The following TROAP variants were observed in gnomAD, a reference collection of about 807,000 sequenced individuals.
TROAP encodes trophinin associated protein.
In TROAP, 62 loss-of-function variants were observed where a neutral mutation model predicts 83.4. The observed-to-expected ratio is 0.74, with a 90% CI of 0.61 to 0.92. TROAP has a LOEUF of 0.92. Among genes scored for constraint, TROAP ranks in the 40% least tolerant of loss-of-function variants. TROAP has a pLI of 0.00. For missense variants in TROAP, 876 were observed against 985.1 expected (o/e 0.89, Z 1.48); for synonymous variants, 352 against 386.4 (o/e 0.91, Z 1.04).
In TROAP at chr12:49,330,556, C is replaced by T. The variant is rs752372803; in HGVS notation, c.1711C>T (p.Arg571Cys). 1.8e-5 allele frequency: 29 copies of T among 1,613,448 alleles called. No homozygotes were observed. The highest frequency in any genetic ancestry group is 4.4e-5 in the South Asian group (4 of 90,974). ...RSEPEIPESS[R>C]QEQLEVPEPC... is the part of the protein sequence containing the mutation. ...TGAGCCTGAGATACCGGAGTCCTCT[C>T]GCCAGGAACAGCTTGAGGTACCTGA... is the stretch of plus-strand genomic sequence containing the variant. The change falls in exon 13 of 15, where the codon CGC becomes TGC. Residue 571 changes from arginine (R) to cysteine (C), a missense_variant. Arg to Cys is a radical substitution (Grantham distance 180). Transcript: ENST00000257909.
chr12:49,329,754 C>T lies in TROAP; in HGVS notation c.1165-103C>T, dbSNP rs996013863. 2 of 1,504,362 alleles carry T rather than the reference C, an allele frequency of 1.3e-6. No homozygotes were observed. Among genetic ancestry groups the T allele is most frequent in the Non-Finnish European group, 9.0e-7 (1 of 1,116,880 alleles). 93.2% of individuals were successfully genotyped at this position (1,504,362 alleles called of 1,614,324 possible). On this transcript the variant is annotated intron_variant, in intron 11 of 14. Coordinates refer to ENST00000257909, the MANE Select transcript of TROAP (RefSeq NM_005480.4). The surrounding 1 kb of genome is among the most constrained non-coding windows in gnomAD (Gnocchi z 4.5). ...CCCTCCTAATGTACATCTAGGGCCT[C>T]TCAGTTAGGGGCTTCAATCCATTCC... is the stretch of plus-strand genomic sequence containing the variant.
rs775810926 is a variant in TROAP, at chr12:49,323,629, G to A, written c.21G>A (p.Thr7=). 3.7e-6 allele frequency: 6 copies of A among 1,613,870 alleles called. No individual in the cohort carries two copies. The highest frequency in any genetic ancestry group is 4.5e-5 in the East Asian group (2 of 44,884). The change falls in exon 2 of 15, where the codon ACG becomes ACA. Residue 7 remains threonine, a synonymous_variant. Transcript: ENST00000257909. MTTRQA[T]KDPLLRGVSP... ...CCATCATGACCACCCGGCAAGCCACGAAGGATCCCCTCCTCCGGGGTGTAT... is the reference window on the plus strand; with the variant it reads ...CCATCATGACCACCCGGCAAGCCACAAAGGATCCCCTCCTCCGGGGTGTAT...
Position 49,329,170 on chromosome 12 carries a change from T to G in TROAP, c.1030T>G (p.Ser344Ala). The change falls in exon 10 of 15, where the codon TCA (serine) becomes GCA (alanine). Residue 344 changes from serine (S) to alanine (A), a missense_variant. Physicochemically the swap from Ser to Ala is moderately conservative, Grantham distance 99. Around this residue, in one of 3 missense-constraint regions of TROAP, gnomAD observed 689 missense variants for 722.6 expected, o/e 0.95. Transcript: ENST00000257909. The surrounding 1 kb of genome is among the most constrained non-coding windows in gnomAD (Gnocchi z 4.5). The stretch of plus-strand genomic sequence containing the variant: ...CCACATCTCTCCCCAGACCTCATAT[T>G]CAGTGTTGCGGCGTCTCACCGTTCA... ...SPGPPTLTSY[S>A]VLRRLTVQPK... The G allele has an allele frequency of 1.9e-6, 3 of 1,614,130 alleles. No individual in the cohort carries two copies. The highest frequency in any genetic ancestry group is 1.7e-6 in the Non-Finnish European group (2 of 1,180,024).
At chr12:49,327,519 G>A (rs1253645706) in intron 8 of TROAP, among the ~76,000 whole-genome samples, 189 bp downstream of exon 8, 30 of 152,178 alleles carry the variant, frequency 2.0e-4, no homozygotes, top group Non-Finnish European at 1.5e-5. Flanking sequence ...CTCTTTATCA[G>A]ATGTCTGGGG....
intron 8 of TROAP, 147 bp from the exon 9 acceptor site, chr12:49,328,780 T>C: frequency 1.2e-5 from 13 of 1,113,944 alleles, no homozygotes; most frequent in Non-Finnish European, 1.5e-5. Context: ...AGGAGAATGG[T>C]GTGAACCCGG....
At position 49,329,481 on chromosome 12, in the gene TROAP, G is replaced by A; in HGVS notation, c.1164+27G>A. On this transcript the variant is annotated intron_variant, in intron 11 of 14. Transcript: ENST00000257909. The surrounding 1 kb of genome is among the most constrained non-coding windows in gnomAD (Gnocchi z 4.5). Reference sequence around the variant, plus strand: ...TAAGTATCAGAAGCTTCCCCCTACTGAGATCCCTTGCCCTGTGCTGCCAGC... The same window carrying A: ...TAAGTATCAGAAGCTTCCCCCTACTAAGATCCCTTGCCCTGTGCTGCCAGC... 6.3e-7 allele frequency: 1 copy of A among 1,591,726 alleles called. No individual in the cohort carries two copies. Among genetic ancestry groups the A allele is most frequent in the Non-Finnish European group, 8.6e-7 (1 of 1,169,136 alleles).
At chr12:49,327,100 T>A (rs1249204238) in intron 7 of TROAP, 109 bp from the exon 8 acceptor site, 1 of 1,366,770 alleles carries the variant, frequency 7.3e-7, no homozygotes, top group Non-Finnish European at 1.0e-6. Context: ...TCCCTAATAG[T>A]GCAATGGGGC....
At chr12:49,326,380 G>C (rs1943501156) in intron 6 of TROAP, among the ~76,000 whole-genome samples, 1 of 152,144 alleles carries the variant, frequency 6.6e-6, no homozygotes, top group South Asian at 2.1e-4. Flanking sequence ...CAAGTCATGG[G>C]GGGACAGGGA....
In TROAP at chr12:49,331,715, A is replaced by G; in HGVS notation, c.*98A>G. On this transcript the variant is annotated 3_prime_UTR_variant, in exon 15 of 15. Coordinates refer to ENST00000257909, the MANE Select transcript of TROAP (RefSeq NM_005480.4). The stretch of plus-strand genomic sequence containing the variant: ...TGGGAGCCGCCCACTTTTGTCCTCA[A>G]TAAAGTTTCTAAAGTATCCACGTGT... 1.3e-6 allele frequency: 2 copies of G among 1,503,850 alleles called. No homozygotes were observed. Among genetic ancestry groups the G allele is most frequent in the South Asian group, 1.1e-5 (1 of 88,770 alleles). The allele number at this position is 1,503,850 out of a possible 1,614,324, so 93.2% of individuals were successfully genotyped here. A position where few individuals can be genotyped will look rare whatever the true frequency, so the allele number is the denominator to read the frequency against.
chr12:49,325,847 G>C lies in TROAP; in HGVS notation c.596G>C (p.Arg199Pro). 1 of 1,613,984 alleles carries C rather than the reference G, an allele frequency of 6.2e-7. No homozygotes were observed. Residue 199 changes from arginine to proline, a missense_variant, in exon 5 of 15, where the codon CGA (arginine) becomes CCA (proline). By Grantham distance (103) the Arg-to-Pro change is moderately radical. This residue lies in a region of TROAP where 689 missense variants were observed against 722.6 expected (regional missense o/e 0.95). Transcript: ENST00000257909. ...TCTAGGCTGGAGGGACCAGGACCTC[G>C]AGGCCGGACATTGTGCCCCCAGAGG... ...CFSRLEGPGP[R>P]GRTLCPQRLQ...
chr12:49,330,456 C>A lies in TROAP; in HGVS notation c.1611C>A (p.Ser537=). ...CRSEPEIPEP[S]LQEQLEVPEP... is the part of the protein sequence containing the mutation. Reference sequence around the variant, plus strand: ...GTGAGCCTGAGATACCAGAGCCCTCCCTCCAGGAACAGCTTGAAGTACCAG... The same window carrying A: ...GTGAGCCTGAGATACCAGAGCCCTCACTCCAGGAACAGCTTGAAGTACCAG... Residue 537 remains serine, a synonymous_variant, in exon 13 of 15, where the codon TCC becomes TCA. Coordinates refer to ENST00000257909, the MANE Select transcript of TROAP (RefSeq NM_005480.4). 6.2e-7 allele frequency: 1 copy of A among 1,613,782 alleles called. No individual in the cohort carries two copies. Among genetic ancestry groups the A allele is most frequent in the South Asian group, 1.1e-5 (1 of 91,044 alleles).
In TROAP at chr12:49,329,686, G is replaced by C. The variant is rs1943550088; in HGVS notation, c.1165-171G>C. ...ACTAAAATTTTAAAAATTAGAAAGT[G>C]CTCTCTGGAAAAGCTGCCTAACTCT... On this transcript the variant is annotated intron_variant, in intron 11 of 14. Transcript: ENST00000257909. This position sits in a 1 kb window ranked among gnomAD's most constrained non-coding sequence, Gnocchi z 4.5. The C allele has an allele frequency of 1.8e-6, 2 of 1,136,788 alleles. No individual in the cohort carries two copies. The highest frequency in any genetic ancestry group is 2.5e-6 in the Non-Finnish European group (2 of 792,760). 70.4% of individuals were successfully genotyped at this position (1,136,788 alleles called of 1,614,324 possible). A position where few individuals can be genotyped will look rare whatever the true frequency, so the allele number is the denominator to read the frequency against.
Position 49,328,591 on chromosome 12 carries a change from G to A in TROAP, c.892-336G>A, listed in dbSNP as rs184895081. Reference sequence around the variant, plus strand: ...ACACGATATAGGAAGACAGCCAGGCGTGGTGGCTTACTCCTGTAATCCCAG... The same window carrying A: ...ACACGATATAGGAAGACAGCCAGGCATGGTGGCTTACTCCTGTAATCCCAG... On this transcript the variant is annotated intron_variant, in intron 8 of 14. Coordinates refer to ENST00000257909, the MANE Select transcript of TROAP (RefSeq NM_005480.4). Among the ~76,000 whole-genome samples the A allele has an allele frequency of 8.5e-5, 13 of 152,172 alleles. No homozygotes were observed. The East Asian group carries it at 1.2e-3, about 14-fold the overall frequency.
rs778803067 is a variant in TROAP, at chr12:49,330,555, T to C, written c.1710T>C (p.Ser570=). ...GTGAGCCTGAGATACCGGAGTCCTCTCGCCAGGAACAGCTTGAGGTACCTG... is the reference window on the plus strand; with the variant it reads ...GTGAGCCTGAGATACCGGAGTCCTCCCGCCAGGAACAGCTTGAGGTACCTG... ...CRSEPEIPES[S]RQEQLEVPEP... is the part of the protein sequence containing the mutation. Residue 570 remains serine (S), a synonymous_variant, in exon 13 of 15, where the codon TCT becomes TCC. Coordinates refer to ENST00000257909, the MANE Select transcript of TROAP (RefSeq NM_005480.4). The C allele has an allele frequency of 2.5e-6, 4 of 1,609,686 alleles. No individual in the cohort carries two copies. Among genetic ancestry groups the C allele is most frequent in the South Asian group, 1.1e-5 (1 of 90,666 alleles).
chr12:49,327,473 G>C (rs1943518808), intron 8 of TROAP, 143 bp downstream of exon 8: 2 of 1,110,282 alleles, frequency 1.8e-6, no homozygotes, highest in Non-Finnish European at 2.6e-6. Context: ...GTTTACCCCA[G>C]ATGCACCCAG....
At chr12:49,331,160 C>G (rs750602198) in intron 13 of TROAP, 54 bp from the exon 14 acceptor site, 2 of 1,607,310 alleles carry the variant, frequency 1.2e-6, no homozygotes, top group African/African-American at 1.3e-5. Flanking sequence ...GAGGACAGTA[C>G]ATGGTGGAAG....
rs981259606 is a variant in TROAP at position 49,328,214 on chromosome 12, C to CT, written c.892-686dup. Reference sequence around the variant, plus strand: ...GAAAGTGACATGATTTGACTTAGGTCTTTTTTTTTTTTTTTTTTTTTTTTT... The same window carrying CT: ...GAAAGTGACATGATTTGACTTAGGTCTTTTTTTTTTTTTTTTTTTTTTTTTT... On this transcript the variant is annotated intron_variant, in intron 8 of 14. Transcript: ENST00000257909. Among the ~76,000 whole-genome samples, 588 of 77,398 alleles carry CT rather than the reference C, an allele frequency of 7.6e-3. 41 individuals are homozygous for CT. Among genetic ancestry groups the CT allele is most frequent in the Non-Finnish European group, 8.7e-3 (346 of 39,724 alleles). 50.8% of individuals were successfully genotyped at this position (77,398 alleles called of 152,430 possible).
rs1943563308 is a variant in TROAP at position 49,330,502 on chromosome 12, C to G, written c.1657C>G (p.Pro553Ala). 2 of 1,613,542 alleles carry G rather than the reference C, an allele frequency of 1.2e-6. No individual in the cohort carries two copies. Among genetic ancestry groups the G allele is most frequent in the Admixed American group, 3.3e-5 (2 of 60,004 alleles). The part of the protein sequence containing the change: ...EVPEPYPPAE[P>A]RPLESCCRSE... ...ACCAGAGCCCTACCCTCCAGCAGAA[C>G]CCAGGCCCCTAGAGTCCTGCTGTAG... The change falls in exon 13 of 15, where the codon CCC becomes GCC. Residue 553 changes from proline (P) to alanine (A), a missense_variant. This residue lies in a region of TROAP where 689 missense variants were observed against 722.6 expected (regional missense o/e 0.95). Coordinates refer to ENST00000257909, the MANE Select transcript of TROAP (RefSeq NM_005480.4).
chr12:49,324,254 C>T, intron 3 of TROAP: 1 of 1,576,802 alleles, frequency 6.3e-7, no homozygotes, highest in Non-Finnish European at 8.7e-7. Context: ...TACCTGTAAT[C>T]ACAGCTACTC....
Sources: allele counts gnomAD v4.1 joint callset (sites outside exome capture counted in the v4.1 genomes callset), GRCh38; gene constraint gnomAD v4.1.1; regional missense constraint gnomAD v4.1.1; non-coding constraint Gnocchi (gnomAD v3.1); transcripts MANE v1.5; gene names NCBI Gene and HGNC (gene_info 2026-07-23, HGNC 2026-07-21).